MYOM2: variants seen among roughly 807,000 people sequenced by gnomAD.
MYOM2 encodes myomesin 2.
Under a neutral mutation model 187.6 loss-of-function variants are expected in MYOM2, and 254 were observed. That is an observed-to-expected ratio of 1.35 (90% CI 1.22 to 1.50). The LOEUF is 1.50. Among genes scored for constraint, MYOM2 ranks in the 40% most tolerant of loss-of-function variants. The probability of loss-of-function intolerance (pLI) is 0.00; values close to 1 mark genes in which losing one functional copy is unlikely to be tolerated. For synonymous variants in MYOM2, 981 were observed against 753.8 expected, an observed-to-expected ratio of 1.30 and a Z score of -4.94; for missense variants, 2,796 against 1,924.0, an observed-to-expected ratio of 1.45 and a Z score of -8.48.
chr8:2,080,958 G>C (rs878876663), intron 13 of MYOM2, among the ~76,000 whole-genome samples: 1 of 137,328 alleles, frequency 7.3e-6, no homozygotes, highest in Non-Finnish European at 1.6e-5. Flanking sequence ...GCAGAATGAG[G>C]TTTGGTTCTG....
At position 2,057,766 on chromosome 8, in the gene MYOM2, G is replaced by T. The variant is rs145941359; in HGVS notation, c.546G>T (p.Thr182=). Residue 182 remains threonine, a synonymous_variant, in exon 5 of 37, where the codon ACG becomes ACT. Coordinates refer to ENST00000262113, the MANE Select transcript of MYOM2 (RefSeq NM_003970.4). ...KLCFTVQGFP[T]PVVQWYKDGS... is the part of the protein sequence containing the mutation. ...GCTTCACCGTGCAAGGATTTCCCAC[G>T]CCCGTGGTGCAGTGGTGAGGGGCTC... The T allele has an allele frequency of 9.3e-6, 15 of 1,613,970 alleles. No individual in the cohort carries two copies. The highest frequency in any genetic ancestry group is 1.3e-5 in the Non-Finnish European group (15 of 1,180,018).
At chr8:2,092,323 C>T (rs747567671) in intron 15 of MYOM2, 23 bp from the exon 16 acceptor site, 2 of 1,610,778 alleles carry the variant, frequency 1.2e-6, no homozygotes, top group South Asian at 1.1e-5. Context: ...CATTTCACCA[C>T]TCCTTTTGTC....
intron 32 of MYOM2, among the ~76,000 whole-genome samples, chr8:2,136,908 C>G (rs73657777): frequency 0.13 from 19,852 of 152,094 alleles, 2,201 homozygotes; most frequent in African/African-American, 0.28. Context: ...GCATTTGCAG[C>G]GCAACTTTCG....
chr8:2,131,870 C>G (rs763225231), intron 32 of MYOM2, among the ~76,000 whole-genome samples: 2 of 152,082 alleles, frequency 1.3e-5, no homozygotes, highest in Non-Finnish European at 2.9e-5. Flanking sequence ...GCCTCAATCT[C>G]CTGACCTCGT....
At chr8:2,083,708 T>C (rs751613032) in intron 13 of MYOM2, among the ~76,000 whole-genome samples, 8 of 152,218 alleles carry the variant, frequency 5.3e-5, no homozygotes, top group African/African-American at 9.6e-5. Context: ...GGGACCCTTT[T>C]GAACCCTTTT....
intron 13 of MYOM2, among the ~76,000 whole-genome samples, chr8:2,082,782 A>G (rs915504964): frequency 1.3e-5 from 2 of 152,190 alleles, no homozygotes; most frequent in Non-Finnish European, 2.9e-5. Flanking sequence ...GGGCCGGGGC[A>G]TTTGCAGCCC....
Position 2,124,243 on chromosome 8 carries a change from A to C in MYOM2, c.3694+26A>C, listed in dbSNP as rs77961957. ...GTAAGTAAATGCCTTTTAATTTTCA[A>C]GTCATTTGGGGTGCTGAAATCACTA... is the stretch of plus-strand genomic sequence containing the variant. On this transcript the variant is annotated intron_variant, in intron 31 of 36. Transcript: ENST00000262113. 2.1e-3 allele frequency: 3,323 copies of C among 1,602,042 alleles called. 71 individuals carry two copies. The African/African-American group carries it at 0.04, about 19-fold the overall frequency.
At chr8:2,106,219 C>G in intron 21 of MYOM2, 23 bp from the exon 22 acceptor site, 2 of 1,611,172 alleles carry the variant, frequency 1.2e-6, no homozygotes, top group Non-Finnish European at 8.5e-7. Context: ...CTAAGCCGCT[C>G]ACTTCATACT....
rs575044124 is a variant in MYOM2 at position 2,106,298 on chromosome 8, G to C, written c.2791G>C (p.Asp931His). 2.5e-6 allele frequency: 4 copies of C among 1,614,168 alleles called. No homozygotes were observed. Among genetic ancestry groups the C allele is most frequent in the South Asian group, 1.1e-5 (1 of 91,080 alleles). ...ACAAGGCAACATCTATCTGGGCTTCGACTGCCAGGAAATGACAGACGCGTC... is the reference window on the plus strand; with the variant it reads ...ACAAGGCAACATCTATCTGGGCTTCCACTGCCAGGAAATGACAGACGCGTC... Reference protein sequence around the residue: ...DEQGNIYLGFDCQEMTDASQF... With the variant: ...DEQGNIYLGFHCQEMTDASQF... The change falls in exon 22 of 37, where the codon GAC (aspartate) becomes CAC (histidine). Residue 931 changes from aspartate (D) to histidine (H), a missense_variant. Coordinates refer to ENST00000262113, the MANE Select transcript of MYOM2 (RefSeq NM_003970.4).
intron 32 of MYOM2, among the ~76,000 whole-genome samples, chr8:2,135,925 G>A (rs973056162): frequency 2.0e-4 from 30 of 152,168 alleles, no homozygotes; most frequent in African/African-American, 7.2e-4. Flanking sequence ...AGTGGGCGTG[G>A]GGTCTAGGGT....
At chr8:2,103,116 A>G (rs1173302267) in intron 21 of MYOM2, among the ~76,000 whole-genome samples, 1 of 93,804 alleles carries the variant, frequency 1.1e-5, no homozygotes, top group Non-Finnish European at 2.1e-5. Flanking sequence ...TTATGTGTTC[A>G]TGTATGGGTG....
rs199998811 is a variant in MYOM2 at position 2,094,111 on chromosome 8, T to C, written c.2125+20T>C. The stretch of plus-strand genomic sequence containing the variant: ...CACTCAGTAAGTCACTCACAGGCTG[T>C]TGTGTGCCGATTGCTCCCATACACT... On this transcript the variant is annotated intron_variant, in intron 17 of 36. Coordinates refer to ENST00000262113, the MANE Select transcript of MYOM2 (RefSeq NM_003970.4). 7.4e-6 allele frequency: 12 copies of C among 1,613,792 alleles called. No homozygotes were observed. Among genetic ancestry groups the C allele is most frequent in the Non-Finnish European group, 9.3e-6 (11 of 1,179,860 alleles).
At chr8:2,050,681 G>GAA (rs1818452706) in intron 1 of MYOM2, 74 bp from the exon 2 acceptor site, 1 of 862,042 alleles carries the variant, frequency 1.2e-6, no homozygotes, top group Non-Finnish European at 1.9e-6. Flanking sequence ...TTCCCCTTTG[G>GAA]AATGATGCAG....
intron 5 of MYOM2, among the ~76,000 whole-genome samples, chr8:2,058,395 C>T (rs918335826): frequency 2.6e-5 from 4 of 152,058 alleles, no homozygotes; most frequent in African/African-American, 9.7e-5. Context: ...TGCATGATTG[C>T]TGACTGTACA....
At chr8:2,120,680 T>TTATATATATATATAATATATATATAA (rs1554432180) in intron 28 of MYOM2, among the ~76,000 whole-genome samples, 5 of 48,300 alleles carry the variant, frequency 1.0e-4, no homozygotes, top group African/African-American at 3.3e-4. Flanking sequence ...ATATATTATA[T>TTATATATATATATAATATATATATAA]TATATATAAA....
In MYOM2 at chr8:2,098,825, C is replaced by G. The variant is rs780927726; in HGVS notation, c.2314-32C>G. On this transcript the variant is annotated intron_variant, in intron 18 of 36. Transcript: ENST00000262113. ...CAGTGGGCTGTAAGGCATCCTTTAT[C>G]TCATGTATTAATTTAAACAAAATCT... 13 of 1,589,210 alleles carry G rather than the reference C, an allele frequency of 8.2e-6. No homozygotes were observed. The Admixed American group carries it at 1.7e-4, about 21-fold the overall frequency.
At position 2,078,734 on chromosome 8, in the gene MYOM2, A is replaced by G. The variant is rs768549136; in HGVS notation, c.1263A>G (p.Arg421=). 3.7e-6 allele frequency: 6 copies of G among 1,614,070 alleles called. No individual in the cohort carries two copies. The highest frequency in any genetic ancestry group is 5.1e-6 in the Non-Finnish European group (6 of 1,179,982). The change falls in exon 12 of 37, where the codon CGA becomes CGG. Residue 421 remains arginine, a splice_region_variant and synonymous_variant. Transcript: ENST00000262113. ...TTGTTTTTCTTTTTTTAACTTGAAG[A>G]TGTGAAGTAGGAACGAATAATTGGG... ...ESPVMGYFVD[R]CEVGTNNWVQ...
chr8:2,050,901 G>A (rs1486087754), intron 2 of MYOM2, 28 bp downstream of exon 2: 23 of 1,528,540 alleles, frequency 1.5e-5, no homozygotes, highest in African/African-American at 4.1e-5. Context: ...GATGAGACGC[G>A]CAGAGCTTTG....
At chr8:2,109,956 G>A (rs1797014653) in intron 25 of MYOM2, among the ~76,000 whole-genome samples, 1 of 152,216 alleles carries the variant, frequency 6.6e-6, no homozygotes, top group African/African-American at 2.4e-5. Flanking sequence ...TGGGGAATAA[G>A]TTTCTGTGGC....
Sources: gnomAD v4.1 joint callset for allele counts (sites outside exome capture counted in the v4.1 genomes callset) on GRCh38, gnomAD v4.1.1 for gene constraint, MANE v1.5 for transcripts, NCBI Gene and HGNC (gene_info 2026-07-23, HGNC 2026-07-21) for gene names.